The following CNST variants were observed in gnomAD, a reference collection of about 807,000 sequenced individuals.
The protein encoded by CNST is consortin, connexin sorting protein.
A neutral mutation model predicts 72.4 loss-of-function variants in CNST; 39 were observed. The ratio of observed to expected loss-of-function variants is 0.54; its 90% CI spans 0.42 to 0.70. The LOEUF is 0.70. Among genes scored for constraint, CNST ranks in the 30% least tolerant of loss-of-function variants. The pLI, the probability that CNST is intolerant of heterozygous loss-of-function variation, is 0.00. For synonymous variants in CNST, 332 were observed against 320.1 expected, an observed-to-expected ratio of 1.04 and a Z score of -0.40; for missense variants, 871 against 868.5, an observed-to-expected ratio of 1.00 and a Z score of -0.04.
Position 246,569,175 on chromosome 1 carries a change from C to T in CNST, c.-52+2512C>T, listed in dbSNP as rs149203387. Reference sequence around the variant, plus strand: ...AGCCATATAAGTAATTTAAAATTTTCTAGTAGTGGTATTAAGAAAGTAAAA... The same window carrying T: ...AGCCATATAAGTAATTTAAAATTTTTTAGTAGTGGTATTAAGAAAGTAAAA... On this transcript the variant is annotated intron_variant, in intron 1 of 10. Transcript: ENST00000366513. Among the ~76,000 whole-genome samples the T allele has an allele frequency of 4.2e-3, 635 of 152,154 alleles. 4 individuals are homozygous for T. The highest frequency in any genetic ancestry group is 6.9e-3 in the Admixed American group (105 of 15,270).
intron 1 of CNST, among the ~76,000 whole-genome samples, chr1:246,578,542 G>A (rs529404590): frequency 2.0e-5 from 3 of 152,094 alleles, no homozygotes; most frequent in South Asian, 4.2e-4. Context: ...GTGGTGGCAC[G>A]TGCCTGTAGT....
At chr1:246,567,332 T>C (rs982999853) in intron 1 of CNST, among the ~76,000 whole-genome samples, 2 of 149,778 alleles carry the variant, frequency 1.3e-5, no homozygotes, top group African/African-American at 4.9e-5. Flanking sequence ...AATAGGATGC[T>C]GTAATGGAAA....
chr1:246,652,811 T>A (rs189261715), intron 9 of CNST, among the ~76,000 whole-genome samples: 1 of 150,832 alleles, frequency 6.6e-6, no homozygotes, highest in Non-Finnish European at 1.5e-5. Flanking sequence ...GAGACCATCC[T>A]GGCTAACACG....
chr1:246,610,105 A>G (rs1572172906), intron 2 of CNST, among the ~76,000 whole-genome samples: 1 of 151,768 alleles, frequency 6.6e-6, no homozygotes, highest in Non-Finnish European at 1.5e-5. Context: ...AGATGGTGAA[A>G]CCCCATCTCT....
At chr1:246,656,403 T>G (rs1008766812) in intron 9 of CNST, among the ~76,000 whole-genome samples, 1 of 152,174 alleles carries the variant, frequency 6.6e-6, no homozygotes, top group African/African-American at 2.4e-5. Flanking sequence ...TACAGAAGAC[T>G]GGGCCAGATG....
intron 2 of CNST, among the ~76,000 whole-genome samples, chr1:246,597,049 T>C (rs1259987982): frequency 6.6e-6 from 1 of 152,188 alleles, no homozygotes; most frequent in Non-Finnish European, 1.5e-5. Flanking sequence ...TGTGTTTTCA[T>C]TTCTCTTCGT....
At chr1:246,603,861 T>C (rs1465646281) in intron 2 of CNST, among the ~76,000 whole-genome samples, 2 of 152,206 alleles carry the variant, frequency 1.3e-5, no homozygotes, top group Non-Finnish European at 2.9e-5. Flanking sequence ...GTGATGGTTG[T>C]ACAACACAGT....
At chr1:246,610,233 A>T (rs1663218193) in intron 2 of CNST, among the ~76,000 whole-genome samples, 1 of 152,212 alleles carries the variant, frequency 6.6e-6, no homozygotes, top group African/African-American at 2.4e-5. Context: ...GTGAGCTGAG[A>T]TCGTGCCACT....
At chr1:246,584,656 T>G (rs1483476339) in intron 1 of CNST, among the ~76,000 whole-genome samples, 1 of 152,174 alleles carries the variant, frequency 6.6e-6, no homozygotes, top group Non-Finnish European at 1.5e-5. Flanking sequence ...AGACGGAGTG[T>G]GTAGTGGAAC....
rs1183525806 is a variant in CNST at position 246,571,462 on chromosome 1, T to A, written c.-52+4799T>A. ...ACTGTGCCAGGCCAAATGGTTTTTA[T>A]CTTAGTTTTGAGATCCTGCTCTTTA... On this transcript the variant is annotated intron_variant, in intron 1 of 10. Coordinates refer to ENST00000366513, the MANE Select transcript of CNST (RefSeq NM_152609.3). Among the ~76,000 whole-genome samples, 3 of 152,338 alleles carry A rather than the reference T, an allele frequency of 2.0e-5. No homozygotes were observed. The East Asian group carries it at 5.8e-4, about 29-fold the overall frequency.
intron 2 of CNST, among the ~76,000 whole-genome samples, chr1:246,600,449 G>T (rs1467725055): frequency 1.3e-5 from 2 of 152,188 alleles, no homozygotes; most frequent in African/African-American, 4.8e-5. Context: ...GAGTTAAGGG[G>T]TTTTACAGTA....
intron 4 of CNST, among the ~76,000 whole-genome samples, chr1:246,632,967 TA>T (rs952917712): frequency 1.2e-4 from 18 of 152,026 alleles, no homozygotes; most frequent in African/African-American, 3.4e-4. Context: ...AGGAGAGAAA[TA>T]AAAAAGGGAA....
intron 1 of CNST, among the ~76,000 whole-genome samples, chr1:246,575,943 T>C (rs974517631): frequency 6.6e-6 from 1 of 152,006 alleles, no homozygotes; most frequent in Non-Finnish European, 1.5e-5. Context: ...ATTTCAGTGC[T>C]CTCTGGGCGC....
chr1:246,641,832 T>C (rs1558582379), intron 7 of CNST, 62 bp downstream of exon 7: 1 of 1,241,610 alleles, frequency 8.1e-7, no homozygotes, highest in Non-Finnish European at 1.2e-6. Flanking sequence ...ATGTCTGTTG[T>C]ATGGACTATT....
At position 246,642,383 on chromosome 1, in the gene CNST, A is replaced by G. The variant is rs79617257; in HGVS notation, c.937+346A>G. Among the ~76,000 whole-genome samples the G allele has an allele frequency of 4.9e-3, 753 of 152,176 alleles. 10 individuals carry two copies. The highest frequency in any genetic ancestry group is 0.017 in the African/African-American group (705 of 41,522). On this transcript the variant is annotated intron_variant, in intron 8 of 10. Coordinates refer to ENST00000366513, the MANE Select transcript of CNST (RefSeq NM_152609.3). ...AGAATTGGTGTTGGTACATTCATACATTGTTTTCTGTTTAAAAACCAACAG... is the reference window on the plus strand; with the variant it reads ...AGAATTGGTGTTGGTACATTCATACGTTGTTTTCTGTTTAAAAACCAACAG...
At chr1:246,648,373 A>G (rs2103136815) in intron 9 of CNST, 1 of 294,606 alleles carries the variant, frequency 3.4e-6, no homozygotes, top group South Asian at 9.7e-5. Context: ...TCTAATAAGG[A>G]AGTCTCATTT....
chr1:246,649,772 T>A (rs1666348452), intron 9 of CNST, among the ~76,000 whole-genome samples: 1 of 151,406 alleles, frequency 6.6e-6, no homozygotes, highest in African/African-American at 2.4e-5. Flanking sequence ...TAGGAACTTT[T>A]GGAATTTCAA....
intron 9 of CNST, among the ~76,000 whole-genome samples, chr1:246,659,792 A>AT (rs2103165701): frequency 6.6e-6 from 1 of 152,328 alleles, no homozygotes; most frequent in African/African-American, 2.4e-5. Flanking sequence ...TTGCTGATGA[A>AT]TGAAAAAAGC....
At chr1:246,582,043 TAA>T (rs1159912480) in intron 1 of CNST, among the ~76,000 whole-genome samples, 1 of 152,230 alleles carries the variant, frequency 6.6e-6, no homozygotes, top group Non-Finnish European at 1.5e-5. Context: ...AACTTTCATA[TAA>T]GTCAAGTACG....
Sources: allele counts gnomAD v4.1 joint callset (sites outside exome capture counted in the v4.1 genomes callset), GRCh38; gene constraint gnomAD v4.1.1; transcripts MANE v1.5; gene names NCBI Gene and HGNC (gene_info 2026-07-23, HGNC 2026-07-21).